Variants in RANBP2 observed in about 807,000 individuals in gnomAD.
RANBP2 encodes the protein E3 SUMO-protein ligase RanBP2.
A neutral mutation model predicts 303.6 loss-of-function variants in RANBP2; 57 were observed. The ratio of observed to expected loss-of-function variants is 0.19; its 90% CI spans 0.15 to 0.23. The LOEUF (loss-of-function observed/expected upper bound fraction) is 0.23. RANBP2 is among the 10% of genes least tolerant of loss of function. RANBP2 has a pLI of 1.00. For missense variants in RANBP2, 3,138 were observed against 3,780.8 expected (o/e 0.83, Z 4.46); for synonymous variants, 1,167 against 1,301.5 (o/e 0.90, Z 2.23).
the RANBP2 span, among the ~76,000 whole-genome samples, chr2:109,472,984 C>A: frequency 6.6e-6 from 1 of 152,330 alleles, no homozygotes; most frequent in Middle Eastern, 3.4e-3. Flanking sequence ...CTACCCGACT[C>A]GTGGGGCCTT....
the RANBP2 span, among the ~76,000 whole-genome samples, chr2:109,012,689 T>C: frequency 1.2e-3 from 185 of 152,080 alleles, 1 homozygote; most frequent in Middle Eastern, 3.4e-3. Flanking sequence ...CCGAGGCGGG[T>C]GGATCACGAG....
chr2:109,011,540 T>G, the RANBP2 span, among the ~76,000 whole-genome samples: 1 of 152,208 alleles, frequency 6.6e-6, no homozygotes, highest in Non-Finnish European at 1.5e-5. Flanking sequence ...GGTTCAACTT[T>G]CACCCATTGT....
chr2:108,882,778 C>G, the RANBP2 span: 1 of 152,182 alleles, frequency 6.6e-6, no homozygotes, highest in East Asian at 1.9e-4. Flanking sequence ...CCTAAGCAGG[C>G]CTGGCACTGA....
chr2:109,319,751 C>G, the RANBP2 span, among the ~76,000 whole-genome samples: 1 of 152,246 alleles, frequency 6.6e-6, no homozygotes, highest in Non-Finnish European at 1.5e-5. Flanking sequence ...CCCAGCCTGT[C>G]CAGGCCGTGT....
chr2:109,069,819 T>C, the RANBP2 span, among the ~76,000 whole-genome samples: 77 of 152,330 alleles, frequency 5.1e-4, no homozygotes, highest in African/African-American at 1.8e-3. Flanking sequence ...CAATTATTGA[T>C]CAAATCATTA....
At chr2:108,902,207 CA>C in the RANBP2 span, among the ~76,000 whole-genome samples, 10,747 of 82,488 alleles carry the variant, frequency 0.13, 938 homozygotes, top group African/African-American at 0.32. Context: ...GACTCCGTCT[CA>C]AAAAAAAAAA....
At chr2:109,599,564 G>A in the RANBP2 span, among the ~76,000 whole-genome samples, 7 of 151,922 alleles carry the variant, frequency 4.6e-5, no homozygotes, top group Non-Finnish European at 8.8e-5. Context: ...CATATCCTCC[G>A]GAGGGTGTCA....
chr2:109,076,128 G>T, the RANBP2 span, among the ~76,000 whole-genome samples: 1 of 150,278 alleles, frequency 6.7e-6, no homozygotes, highest in South Asian at 2.1e-4. Context: ...ATGCAGGTTT[G>T]GTTCAATATA....
chr2:108,980,585 T>C, the RANBP2 span, among the ~76,000 whole-genome samples: 1 of 152,288 alleles, frequency 6.6e-6, no homozygotes, highest in East Asian at 1.9e-4. Context: ...GACACTGTTA[T>C]GGATAAAGGT....
chr2:108,814,581 G>A, the RANBP2 span, among the ~76,000 whole-genome samples: 36 of 151,594 alleles, frequency 2.4e-4, no homozygotes, highest in East Asian at 1.5e-3. Context: ...GATTGCCATC[G>A]GCTTAATGTT....
the RANBP2 span, among the ~76,000 whole-genome samples, chr2:109,662,017 T>G: frequency 6.6e-6 from 1 of 152,224 alleles, no homozygotes; most frequent in Non-Finnish European, 1.5e-5. Flanking sequence ...CCCCAGCTAC[T>G]GCCCTTCAGG....
At chr2:109,418,530 C>T in the RANBP2 span, among the ~76,000 whole-genome samples, 13 of 152,158 alleles carry the variant, frequency 8.5e-5, no homozygotes, top group Admixed American at 2.6e-4. Flanking sequence ...GTCACTGCTC[C>T]GTCCTCACAT....
the RANBP2 span, among the ~76,000 whole-genome samples, chr2:109,660,614 T>C: frequency 6.6e-6 from 1 of 152,090 alleles, no homozygotes; most frequent in African/African-American, 2.4e-5. Context: ...AGGAGGCAGA[T>C]GGGGGACTGC....
At chr2:109,037,323 CAAAA>C in the RANBP2 span, among the ~76,000 whole-genome samples, 2 of 54,334 alleles carry the variant, frequency 3.7e-5, no homozygotes, top group African/African-American at 6.2e-5. Flanking sequence ...GACCATGTCT[CAAAA>C]AAAAAAAAAA....
the RANBP2 span, among the ~76,000 whole-genome samples, chr2:109,561,077 G>C: frequency 6.6e-6 from 1 of 151,896 alleles, no homozygotes. Context: ...TTCCCCTTAG[G>C]ACAAAGATCA....
At chr2:109,635,182 A>ATATT in the RANBP2 span, among the ~76,000 whole-genome samples, 10 of 151,342 alleles carry the variant, frequency 6.6e-5, no homozygotes, top group East Asian at 1.7e-3. Context: ...TGTTTTATTT[A>ATATT]TATTTATTTA....
At chr2:108,961,573 G>A in the RANBP2 span, among the ~76,000 whole-genome samples, 1 of 152,166 alleles carries the variant, frequency 6.6e-6, no homozygotes. Context: ...GGTTATGGAC[G>A]TTCTGCAAAA....
chr2:109,272,155 G>T, the RANBP2 span, among the ~76,000 whole-genome samples: 3 of 152,314 alleles, frequency 2.0e-5, no homozygotes, highest in South Asian at 6.2e-4. Flanking sequence ...CTGGTCTGAG[G>T]AATAAGATGT....
the RANBP2 span, among the ~76,000 whole-genome samples, chr2:109,700,123 T>C: frequency 6.6e-6 from 1 of 152,238 alleles, no homozygotes; most frequent in Non-Finnish European, 1.5e-5. Context: ...TTTAAAAAGT[T>C]CTTGCCAAAA....
Sources: allele counts gnomAD v4.1 joint callset (sites outside exome capture counted in the v4.1 genomes callset), GRCh38; gene constraint gnomAD v4.1.1; transcripts MANE v1.5; gene names NCBI Gene and HGNC (gene_info 2026-07-23, HGNC 2026-07-21).